FARS2: variants seen among roughly 807,000 people sequenced by gnomAD.
FARS2 encodes phenylalanine--tRNA ligase, mitochondrial.
In FARS2, 40 loss-of-function variants were observed where a neutral mutation model predicts 46.4. That is an observed-to-expected ratio of 0.86 (90% confidence interval 0.67 to 1.12). The LOEUF is 1.12. Ranked by LOEUF, FARS2 falls within the 50% of genes most tolerant of loss-of-function variation. The pLI is 0.00. For missense variants in FARS2, 513 were observed against 567.9 expected (o/e 0.90, Z 0.98); for synonymous variants, 234 against 214.9 (o/e 1.09, Z -0.78).
chr6:5,533,823 G>T (rs1485421940), intron 4 of FARS2, among the ~76,000 whole-genome samples: 1 of 152,198 alleles, frequency 6.6e-6, no homozygotes, highest in Non-Finnish European at 1.5e-5. Flanking sequence ...CCCAAAAGGG[G>T]TGTGACATTG....
intron 6 of FARS2, among the ~76,000 whole-genome samples, chr6:5,750,774 T>C (rs1337489245): frequency 1.3e-5 from 2 of 152,128 alleles, no homozygotes. Flanking sequence ...TGGTGGCTTC[T>C]TATTTCTGCC....
chr6:5,319,478 A>G (rs1769812344), intron 1 of FARS2, among the ~76,000 whole-genome samples: 1 of 152,236 alleles, frequency 6.6e-6, no homozygotes, highest in Non-Finnish European at 1.5e-5. Flanking sequence ...AGCCCACTCC[A>G]AGGAAAAATT....
chr6:5,617,114 C>T (rs180785675), intron 6 of FARS2, among the ~76,000 whole-genome samples: 1,902 of 147,110 alleles, frequency 0.013, 39 homozygotes, highest in African/African-American at 0.044. Flanking sequence ...GGCAGACACC[C>T]CATTAAAAAA....
At chr6:5,591,633 C>T (rs12202026) in intron 5 of FARS2, among the ~76,000 whole-genome samples, 79,650 of 152,056 alleles carry the variant, frequency 0.52, 21,247 homozygotes, top group Non-Finnish European at 0.58. Flanking sequence ...TCAGCTTTAT[C>T]TCCCAGGGTT....
intron 1 of FARS2, among the ~76,000 whole-genome samples, chr6:5,298,328 T>G (rs1181859420): frequency 6.6e-6 from 1 of 152,178 alleles, no homozygotes; most frequent in Non-Finnish European, 1.5e-5. Flanking sequence ...GGTTGCATTT[T>G]ATGGCTGGGA....
At position 5,593,233 on chromosome 6, in the gene FARS2, C is replaced by T. The variant is rs116133090; in HGVS notation, c.1066-19936C>T. Among the ~76,000 whole-genome samples the T allele has an allele frequency of 2.2e-3, 330 of 152,238 alleles. 2 individuals are homozygous for T. The highest frequency in any genetic ancestry group is 7.6e-3 in the African/African-American group (314 of 41,516). On this transcript the variant is annotated intron_variant, in intron 5 of 6. Coordinates refer to ENST00000274680, the MANE Select transcript of FARS2 (RefSeq NM_006567.5). ...TATCCATGCAAGGTTTTCCAGCTCACGCAAAGCCGTGTCTCTTGGAAGGTT... is the reference window on the plus strand; with the variant it reads ...TATCCATGCAAGGTTTTCCAGCTCATGCAAAGCCGTGTCTCTTGGAAGGTT...
intron 5 of FARS2, among the ~76,000 whole-genome samples, chr6:5,546,441 G>T (rs183619557): frequency 4.6e-5 from 7 of 151,346 alleles, no homozygotes; most frequent in African/African-American, 1.7e-4. Flanking sequence ...TAGTAGAGAC[G>T]GGGTTTCACC....
At chr6:5,724,997 T>C (rs190774555) in intron 6 of FARS2, among the ~76,000 whole-genome samples, 2 of 152,316 alleles carry the variant, frequency 1.3e-5, no homozygotes, top group Admixed American at 1.3e-4. Flanking sequence ...TCACACAAAA[T>C]TCTAAAGATG....
intron 1 of FARS2, among the ~76,000 whole-genome samples, chr6:5,274,453 G>A (rs1561924422): frequency 6.6e-6 from 1 of 152,288 alleles, no homozygotes; most frequent in East Asian, 1.9e-4. Context: ...TCTATTAAAA[G>A]ATAAGTATTT....
intron 1 of FARS2, among the ~76,000 whole-genome samples, chr6:5,270,114 T>A (rs1765841136): frequency 1.3e-5 from 2 of 152,208 alleles, no homozygotes; most frequent in African/African-American, 4.8e-5. Context: ...TATCTTTTTT[T>A]AAATCAATTC....
Position 5,727,096 on chromosome 6 carries a change from C to G in FARS2, c.1218-44195C>G, listed in dbSNP as rs1360713286. On this transcript the variant is annotated intron_variant, in intron 6 of 6. Coordinates refer to ENST00000274680, the MANE Select transcript of FARS2 (RefSeq NM_006567.5). The surrounding 1 kb of genome is among the most constrained non-coding windows in gnomAD (Gnocchi z 4.1). ...GGAGCAATGCCTCTGCAGTACCTAC[C>G]TTCCTCACCGGGCTGTTACTGGTAG... Among the ~76,000 whole-genome samples the G allele has an allele frequency of 1.3e-5, 2 of 152,238 alleles. No individual in the cohort carries two copies. Among genetic ancestry groups the G allele is most frequent in the Non-Finnish European group, 1.5e-5 (1 of 68,052 alleles).
intron 1 of FARS2, among the ~76,000 whole-genome samples, chr6:5,282,071 TA>T (rs1766768923): frequency 6.6e-6 from 1 of 152,216 alleles, no homozygotes; most frequent in African/African-American, 2.4e-5. Flanking sequence ...AGCTTGTCAG[TA>T]TAATGCCATT....
intron 1 of FARS2, among the ~76,000 whole-genome samples, chr6:5,301,714 C>G (rs1196607017): frequency 2.0e-5 from 3 of 151,614 alleles, no homozygotes; most frequent in Non-Finnish European, 4.4e-5. Context: ...TAATATCAAA[C>G]AATTTTTTTT....
In FARS2 at chr6:5,607,983, A is replaced by AT. The variant is rs5873988; in HGVS notation, c.1066-5170dup. Among the ~76,000 whole-genome samples, 610 of 146,372 alleles carry AT rather than the reference A, an allele frequency of 4.2e-3. 5 individuals carry two copies. Among genetic ancestry groups the AT allele is most frequent in the African/African-American group, 0.014 (559 of 39,852 alleles). ...ATTGCTACTTTTTACTTGGGCATGT[A>AT]TTTTTTTTTTTTTTTTAGTTTCCAA... On this transcript the variant is annotated intron_variant, in intron 5 of 6. Transcript: ENST00000274680.
chr6:5,596,507 C>A (rs1774205997), intron 5 of FARS2, among the ~76,000 whole-genome samples: 1 of 152,154 alleles, frequency 6.6e-6, no homozygotes, highest in Non-Finnish European at 1.5e-5. Context: ...TGTATGGAAC[C>A]ATTATTCATT....
intron 6 of FARS2, among the ~76,000 whole-genome samples, chr6:5,761,639 T>C (rs1336249788): frequency 6.6e-6 from 1 of 152,138 alleles, no homozygotes; most frequent in African/African-American, 2.4e-5. Flanking sequence ...ATAAAATCTC[T>C]TCCAAATTTT....
intron 6 of FARS2, among the ~76,000 whole-genome samples, chr6:5,680,349 C>A (rs1778971279): frequency 6.6e-6 from 1 of 152,192 alleles, no homozygotes. Flanking sequence ...CATAAGCATC[C>A]ACACCACCAG....
chr6:5,599,416 A>T (rs1009469175), intron 5 of FARS2, among the ~76,000 whole-genome samples: 2 of 152,244 alleles, frequency 1.3e-5, no homozygotes, highest in Non-Finnish European at 2.9e-5. Flanking sequence ...GGAAAAATAG[A>T]GTGTGACGGT....
intron 3 of FARS2, 111 bp downstream of exon 3, chr6:5,404,812 TTC>T: frequency 1.2e-6 from 1 of 804,982 alleles, no homozygotes. Flanking sequence ...CTTTTTTTTT[TTC>T]CCCGAGACGG....
Sources: allele counts gnomAD v4.1 joint callset (sites outside exome capture counted in the v4.1 genomes callset), GRCh38; gene constraint gnomAD v4.1.1; non-coding constraint Gnocchi (gnomAD v3.1); transcripts MANE v1.5; gene names NCBI Gene and HGNC (gene_info 2026-07-23, HGNC 2026-07-21).